GC: variants seen among roughly 807,000 people sequenced by gnomAD.
The protein encoded by GC is GC vitamin D binding protein, also known as vitamin D-binding protein.
Under a neutral mutation model 56.7 loss-of-function variants are expected in GC, and 43 were observed. The observed-to-expected ratio is 0.76, with a 90% CI of 0.59 to 0.98. GC has a LOEUF of 0.98. GC is among the 50% of genes least tolerant of loss of function. The pLI, the probability that GC is intolerant of heterozygous loss-of-function variation, is 0.00. For missense variants in GC, 529 were observed against 545.9 expected (o/e 0.97, Z 0.31); for synonymous variants, 216 against 202.7 (o/e 1.07, Z -0.56).
intron 6 of GC, among the ~76,000 whole-genome samples, chr4:71,761,711 C>G (rs962902671): frequency 4.6e-5 from 7 of 152,170 alleles, no homozygotes; most frequent in African/African-American, 1.7e-4. Flanking sequence ...CCAGCTGCTC[C>G]AACCATGGCT....
upstream of GC, among the ~76,000 whole-genome samples, chr4:71,786,948 T>C (rs748850304): frequency 2.0e-5 from 3 of 151,856 alleles, no homozygotes; most frequent in Non-Finnish European, 4.4e-5. Context: ...TATTAGTGGA[T>C]CGAAGTAATA....
intron 7 of GC, 69 bp from the exon 8 acceptor site, chr4:71,756,983 T>G: frequency 9.5e-7 from 1 of 1,047,600 alleles, no homozygotes; most frequent in East Asian, 2.4e-5. Context: ...AAGAATTACA[T>G]AGGCTTACAA....
chr4:71,755,378 G>A (rs1472198810), intron 8 of GC, among the ~76,000 whole-genome samples: 2 of 151,986 alleles, frequency 1.3e-5, no homozygotes, highest in Admixed American at 6.6e-5. Context: ...GGCTAGGGTG[G>A]TCTGGAACTT....
At chr4:71,767,849 T>G (rs1004069258) in intron 3 of GC, among the ~76,000 whole-genome samples, 1 of 151,926 alleles carries the variant, frequency 6.6e-6, no homozygotes, top group African/African-American at 2.4e-5. Flanking sequence ...GTCCATTATA[T>G]CCTTCTTATG....
At chr4:71,798,003 A>G (rs1743149607) in intron 1 of GC, among the ~76,000 whole-genome samples, 1 of 152,188 alleles carries the variant, frequency 6.6e-6, no homozygotes, top group Non-Finnish European at 1.5e-5. Flanking sequence ...ACTTGATATT[A>G]TCCCATGTGT....
At position 71,757,996 on chromosome 4, in the gene GC, C is replaced by G. The variant is rs189772146; in HGVS notation, c.831+46G>C. 2,760 of 1,581,270 alleles carry G rather than the reference C, an allele frequency of 1.7e-3. 2 individuals carry two copies. Among genetic ancestry groups the G allele is most frequent in the Admixed American group, 2.9e-3 (171 of 58,686 alleles). ...AGTACCTGCCACTCAGTACTTGGCA[C>G]TCAATACCTGGCACATGGTGATAAT... On this transcript the variant is annotated intron_variant, in intron 7 of 12. Transcript: ENST00000273951.
chr4:71,790,972 T>G (rs1321090625), intron 1 of GC, among the ~76,000 whole-genome samples: 1 of 151,878 alleles, frequency 6.6e-6, no homozygotes, highest in South Asian at 2.1e-4. Flanking sequence ...CATTAAAAAC[T>G]GGGTGAAGGA....
rs748968666 is a variant in GC at position 71,755,083 on chromosome 4, C to T, written c.1059G>A (p.Arg353=). 3 of 1,587,106 alleles carry T rather than the reference C, an allele frequency of 1.9e-6. No individual in the cohort carries two copies. The highest frequency in any genetic ancestry group is 2.6e-6 in the Non-Finnish European group (3 of 1,162,172). ...MDKYTFELSR[R]THLPEVFLSK... The stretch of plus-strand genomic sequence containing the variant: ...TGAGGAATACTTCCGGAAGATGAGT[C>T]CTTCTGCTTAGTTCAAATGTATACC... The change falls in exon 9 of 13, where the codon AGG becomes AGA. Residue 353 remains arginine (R), a synonymous_variant. Transcript: ENST00000273951.
intron 7 of GC, among the ~76,000 whole-genome samples, chr4:71,757,181 C>T (rs745714185): frequency 1.5e-4 from 23 of 152,018 alleles, no homozygotes; most frequent in East Asian, 1.2e-3. Context: ...TTAAGTGCAA[C>T]GATTGCCTAA....
chr4:71,795,936 G>A (rs1438259389), intron 1 of GC, among the ~76,000 whole-genome samples: 1 of 152,192 alleles, frequency 6.6e-6, no homozygotes, highest in African/African-American at 2.4e-5. Flanking sequence ...GGCTGGATAT[G>A]AAATTCTGGG....
rs113175628 is a variant in GC at position 71,752,651 on chromosome 4, C to A, written c.1263-1G>T. On this transcript the variant is annotated splice_acceptor_variant, in intron 10 of 12. Coordinates refer to ENST00000273951, the MANE Select transcript of GC (RefSeq NM_000583.4). LOFTEE classifies it high-confidence loss of function. ...TTTTGCTTTTAGTCGCTCTGCCAGT[C>A]TGAAAAACCATTTAAATGTAAGGTC... 6.2e-6 allele frequency: 10 copies of A among 1,611,772 alleles called. No homozygotes were observed. In the Admixed American group the frequency reaches 1.3e-4, roughly 22 times the overall value.
chr4:71,760,202 C>G (rs1741919938), intron 6 of GC, among the ~76,000 whole-genome samples: 1 of 150,044 alleles, frequency 6.7e-6, no homozygotes, highest in African/African-American at 2.5e-5. Context: ...CACCACCATG[C>G]CTGGCTAATT....
At chr4:71,779,847 G>A (rs577883712) in intron 1 of GC, among the ~76,000 whole-genome samples, 2 of 151,886 alleles carry the variant, frequency 1.3e-5, no homozygotes, top group South Asian at 2.1e-4. Context: ...CAGCCCTTGC[G>A]TAGGGCTGTT....
At chr4:71,770,308 C>T (rs1197687500) in intron 1 of GC, among the ~76,000 whole-genome samples, 1 of 152,110 alleles carries the variant, frequency 6.6e-6, no homozygotes, top group Non-Finnish European at 1.5e-5. Context: ...ATATATTTCC[C>T]CCAGTCCCAG....
At chr4:71,748,281 T>C (rs550579930) in intron 11 of GC, among the ~76,000 whole-genome samples, 27 of 152,220 alleles carry the variant, frequency 1.8e-4, no homozygotes, top group South Asian at 1.7e-3. Flanking sequence ...TACTGAGAGA[T>C]AAAACAAACT....
chr4:71,744,566 C>T (rs1162686805), intron 12 of GC, among the ~76,000 whole-genome samples: 2 of 152,144 alleles, frequency 1.3e-5, no homozygotes, highest in African/African-American at 4.8e-5. Context: ...GATATCTTCT[C>T]CTATTTTAAT....
intron 10 of GC, among the ~76,000 whole-genome samples, chr4:71,753,152 A>C (rs1253863109): frequency 6.6e-6 from 1 of 152,158 alleles, no homozygotes; most frequent in African/African-American, 2.4e-5. Flanking sequence ...CTCTACTAAA[A>C]ACGAACTCTC....
In GC at chr4:71,741,890, A is replaced by G. The variant is rs1008901701; in HGVS notation, c.*26-20T>C. On this transcript the variant is annotated intron_variant, in intron 12 of 12. Transcript: ENST00000273951. ...TCTGGTCTATGAGAATAATGAAATG[A>G]ATTTTATGTTAGAAAAACAGAGCTA... 1 of 702,838 alleles carries G rather than the reference A, an allele frequency of 1.4e-6. No individual in the cohort carries two copies. Among genetic ancestry groups the G allele is most frequent in the Non-Finnish European group, 2.6e-6 (1 of 384,988 alleles). 43.5% of individuals were successfully genotyped at this position (702,838 alleles called of 1,614,324 possible). A position where few individuals can be genotyped will look rare whatever the true frequency, so the allele number is the denominator to read the frequency against.
At chr4:71,764,399 A>G (rs1031919062) in intron 4 of GC, among the ~76,000 whole-genome samples, 10 of 152,184 alleles carry the variant, frequency 6.6e-5, no homozygotes, top group Non-Finnish European at 1.5e-4. Context: ...AATACTGGCC[A>G]CTATTAATCA....
Sources: allele counts gnomAD v4.1 joint callset (sites outside exome capture counted in the v4.1 genomes callset), GRCh38; gene constraint gnomAD v4.1.1; transcripts MANE v1.5; gene names NCBI Gene and HGNC (gene_info 2026-07-23, HGNC 2026-07-21).